The following RPS8 variants were observed in gnomAD, a reference collection of about 807,000 sequenced individuals.
RPS8 encodes the protein small ribosomal subunit protein eS8.
For synonymous variants in RPS8, 100 were observed against 100.7 expected, an observed-to-expected ratio of 0.99 and a Z score of 0.04; for missense variants, 141 against 269.7, an observed-to-expected ratio of 0.52 and a Z score of 3.34.
rs1307552541 is a variant in RPS8, at chr1:44,776,025, C to A, written c.5-9C>A. 6.2e-7 allele frequency: 1 copy of A among 1,612,840 alleles called. No individual in the cohort carries two copies. The highest frequency in any genetic ancestry group is 2.2e-5 in the East Asian group (1 of 44,800). On this transcript the variant is annotated splice_polypyrimidine_tract_variant and intron_variant, in intron 1 of 5. Coordinates refer to ENST00000396651, the MANE Select transcript of RPS8 (RefSeq NM_001012.2). ...TGGCTCAAGCTTCCTTCCCCGCTTC[C>A]ACATGCAGGCATCTCTCGGGACAAC...
intron 2 of RPS8, 41 bp from the exon 3 acceptor site, chr1:44,776,634 T>C (rs1650865260): frequency 6.4e-7 from 1 of 1,568,768 alleles, no homozygotes; most frequent in Non-Finnish European, 8.8e-7. Context: ...CTTGCCTTGC[T>C]CTCCTTGGTA....
intron 2 of RPS8, 91 bp from the exon 3 acceptor site, chr1:44,776,584 C>T (rs200854940): frequency 9.5e-7 from 1 of 1,058,100 alleles, no homozygotes; most frequent in Non-Finnish European, 1.5e-6. Context: ...CATAGTTACA[C>T]TGACTGTTGC....
intron 1 of RPS8, 54 bp downstream of exon 1, chr1:44,775,654 C>G: frequency 6.2e-7 from 1 of 1,610,856 alleles, no homozygotes; most frequent in Non-Finnish European, 8.5e-7. Context: ...TCAATCAGGC[C>G]CCATCCTGCT....
In RPS8 at chr1:44,775,550, C is replaced by T. The variant is rs761701641; in HGVS notation, c.-47C>T. ...AAGGGGCGGGGCAGCGTTTTACAAA[C>T]CGAACCGTGAATCTTTGCGGTTTCT... On this transcript the variant is annotated 5_prime_UTR_variant, in exon 1 of 6. Transcript: ENST00000396651. The T allele has an allele frequency of 6.2e-7, 1 of 1,613,830 alleles. No individual in the cohort carries two copies. The highest frequency in any genetic ancestry group is 8.5e-7 in the Non-Finnish European group (1 of 1,179,716).
chr1:44,775,609 C>A lies in RPS8; in HGVS notation c.4+9C>A. On this transcript the variant is annotated intron_variant, in intron 1 of 5. Transcript: ENST00000396651. The stretch of plus-strand genomic sequence containing the variant: ...CCAGCGCCGAGCGATGGGTGAGTGT[C>A]GCTCTGCATTGAGGCGGGTGAAGGG... The A allele has an allele frequency of 1.2e-6, 2 of 1,614,124 alleles. No individual in the cohort carries two copies. The highest frequency in any genetic ancestry group is 1.7e-6 in the Non-Finnish European group (2 of 1,179,990).
chr1:44,778,205 T>G, intron 5 of RPS8, 76 bp downstream of exon 5: 4 of 1,553,942 alleles, frequency 2.6e-6, no homozygotes, highest in Non-Finnish European at 3.5e-6. Flanking sequence ...TTGTCTCAGT[T>G]CCTTTGACTG....
intron 1 of RPS8, chr1:44,775,804 T>C (rs1650825878): frequency 1.6e-5 from 13 of 801,136 alleles, no homozygotes; most frequent in Non-Finnish European, 2.3e-5. Context: ...GGCCGCGGGC[T>C]GCGGGCTCCG....
intron 3 of RPS8, 88 bp downstream of exon 3, chr1:44,776,862 C>T: frequency 7.1e-6 from 7 of 982,246 alleles, no homozygotes; most frequent in Non-Finnish European, 1.0e-5. Flanking sequence ...TGGCTCACGC[C>T]TATAAGCCCA....
At chr1:44,776,234 T>C in intron 2 of RPS8, 94 bp downstream of exon 2, 1 of 889,242 alleles carries the variant, frequency 1.1e-6, no homozygotes, top group Non-Finnish European at 1.7e-6. Flanking sequence ...GTGCGTTCTT[T>C]CTTGGGCTCT....
chr1:44,775,559 G>A lies in RPS8; in HGVS notation c.-38G>A. ...GGCAGCGTTTTACAAACCGAACCGT[G>A]AATCTTTGCGGTTTCTCTTTCCAGC... On this transcript the variant is annotated 5_prime_UTR_variant, in exon 1 of 6. Coordinates refer to ENST00000396651, the MANE Select transcript of RPS8 (RefSeq NM_001012.2). 3.1e-6 allele frequency: 5 copies of A among 1,613,990 alleles called. No individual in the cohort carries two copies. The highest frequency in any genetic ancestry group is 4.2e-6 in the Non-Finnish European group (5 of 1,179,862).
At chr1:44,777,912 A>G (rs1166621039) in intron 4 of RPS8, 88 bp from the exon 5 acceptor site, 2 of 1,585,162 alleles carry the variant, frequency 1.3e-6, no homozygotes, top group South Asian at 2.2e-5. Context: ...AGGCTGAGGA[A>G]GGCCAGCACT....
intron 3 of RPS8, 92 bp downstream of exon 3, chr1:44,776,866 A>G (rs1650873748): frequency 1.1e-6 from 1 of 934,974 alleles, no homozygotes; most frequent in South Asian, 1.7e-5. Context: ...TCACGCCTAT[A>G]AGCCCAGCAC....
chr1:44,778,383 G>A (rs1345739158), intron 5 of RPS8, 193 bp from the exon 6 acceptor site: 4 of 803,098 alleles, frequency 5.0e-6, no homozygotes, highest in Non-Finnish European at 9.1e-6. Context: ...CCAGGCTGAG[G>A]GGGCTGTCTC....
At chr1:44,775,969 G>T (rs768166786) in intron 1 of RPS8, 65 bp from the exon 2 acceptor site, 2 of 1,493,326 alleles carry the variant, frequency 1.3e-6, no homozygotes, top group African/African-American at 2.8e-5. Flanking sequence ...GGGTCTCCGG[G>T]AGCTGGCGAG....
At chr1:44,775,651 G>C in intron 1 of RPS8, 51 bp downstream of exon 1, 1 of 1,611,810 alleles carries the variant, frequency 6.2e-7, no homozygotes. Flanking sequence ...AGCTCAATCA[G>C]GCCCCATCCT....
intron 5 of RPS8, 173 bp downstream of exon 5, chr1:44,778,302 A>G (rs900273796): frequency 1.1e-6 from 1 of 894,296 alleles, no homozygotes; most frequent in Non-Finnish European, 1.9e-6. Context: ...TGAAGCTGAA[A>G]TGGGAAGCAT....
At chr1:44,776,838 T>C in intron 3 of RPS8, 64 bp downstream of exon 3, 1 of 1,303,910 alleles carries the variant, frequency 7.7e-7, no homozygotes, top group Non-Finnish European at 1.1e-6. Flanking sequence ...ATTCACCAAG[T>C]GGGCCTGGCG....
At chr1:44,778,222 A>G (rs920757367) in intron 5 of RPS8, 93 bp downstream of exon 5, 14 of 1,482,192 alleles carry the variant, frequency 9.4e-6, no homozygotes, top group South Asian at 3.6e-5. Context: ...ACTGCCAGCC[A>G]TGCAGTCTAA....
Position 44,776,819 on chromosome 1 carries a change from G to A in RPS8, c.211+45G>A, listed in dbSNP as rs200859421. On this transcript the variant is annotated intron_variant, in intron 3 of 5. Coordinates refer to ENST00000396651, the MANE Select transcript of RPS8 (RefSeq NM_001012.2). ...AGTGGGTGGGAAAACGCACCTAAAC[G>A]GTCTTAAGATTCACCAAGTGGGCCT... 57 of 1,452,702 alleles carry A rather than the reference G, an allele frequency of 3.9e-5. No homozygotes were observed. The African/African-American group carries it at 7.3e-4, about 18-fold the overall frequency. The allele number at this position is 1,452,702 out of a possible 1,614,324, so 90.0% of individuals were successfully genotyped here.
Sources: gnomAD v4.1 joint callset for allele counts on GRCh38, gnomAD v4.1.1 for gene constraint, MANE v1.5 for transcripts, NCBI Gene and HGNC (gene_info 2026-07-23, HGNC 2026-07-21) for gene names.